COL14A1: variants seen among roughly 807,000 people sequenced by gnomAD.
COL14A1 encodes the protein collagen alpha-1(XIV) chain.
Under a neutral mutation model 230.3 loss-of-function variants are expected in COL14A1, and 136 were observed. That is an observed-to-expected ratio of 0.59 (90% CI 0.51 to 0.68). The LOEUF is 0.68. COL14A1 is among the 30% of genes least tolerant of loss of function. COL14A1 has a pLI of 0.00. For missense variants in COL14A1, 1,976 were observed against 2,215.8 expected (o/e 0.89, Z 2.17); for synonymous variants, 792 against 784.1 (o/e 1.01, Z -0.17).
intron 22 of COL14A1, among the ~76,000 whole-genome samples, chr8:120,251,821 C>T (rs1818972659): frequency 1.3e-5 from 2 of 152,066 alleles, no homozygotes; most frequent in Admixed American, 6.5e-5. Flanking sequence ...AATATGAATC[C>T]TTAGCTTATT....
intron 26 of COL14A1, among the ~76,000 whole-genome samples, chr8:120,276,061 A>C (rs997162490): frequency 2.0e-5 from 3 of 151,876 alleles, no homozygotes; most frequent in Admixed American, 6.6e-5. Context: ...TCACAAATGC[A>C]AAGATATAGA....
intron 22 of COL14A1, among the ~76,000 whole-genome samples, chr8:120,252,758 T>G (rs1819013858): frequency 6.6e-6 from 1 of 152,206 alleles, no homozygotes; most frequent in African/African-American, 2.4e-5. Context: ...CTTTATGCAC[T>G]TGCCCTATAT....
At chr8:120,368,115 A>G (rs1395015164) in intron 46 of COL14A1, among the ~76,000 whole-genome samples, 1 of 152,170 alleles carries the variant, frequency 6.6e-6, no homozygotes, top group Admixed American at 6.5e-5. Flanking sequence ...ATTTCCTGCC[A>G]TGGTAATCTT....
intron 5 of COL14A1, among the ~76,000 whole-genome samples, chr8:120,186,850 A>G (rs1028458421): frequency 1.3e-5 from 2 of 152,214 alleles, no homozygotes; most frequent in African/African-American, 4.8e-5. Flanking sequence ...AAAGTGGCTA[A>G]AAAGACAAGT....
Position 120,142,224 on chromosome 8 carries a change from C to T in COL14A1, c.-37-5582C>T, listed in dbSNP as rs535671151. 3.3e-5 allele frequency among the ~76,000 whole-genome samples: 5 copies of T among 152,190 alleles called. No homozygotes were observed. In the East Asian group the frequency reaches 7.7e-4, roughly 23 times the overall value. ...TGAGTGATTCTGCTGCAATATGTTT[C>T]TTTGGGTGTGGTGGACAGCTATCTG... On this transcript the variant is annotated intron_variant, in intron 1 of 47. Coordinates refer to ENST00000297848, the MANE Select transcript of COL14A1 (RefSeq NM_021110.4).
chr8:120,258,075 T>C (rs1216464127), intron 23 of COL14A1, among the ~76,000 whole-genome samples: 1 of 152,224 alleles, frequency 6.6e-6, no homozygotes, highest in Non-Finnish European at 1.5e-5. Context: ...TCATTCAGGC[T>C]TGTTTATTAA....
In COL14A1 at chr8:120,199,584, T is replaced by C. The variant is rs764252626; in HGVS notation, c.877+18T>C. Reference sequence around the variant, plus strand: ...TGCCATAGGTATGTGCTCTTTATAGTCTTGTTTCAACTAAGGGCATAGACC... The same window carrying C: ...TGCCATAGGTATGTGCTCTTTATAGCCTTGTTTCAACTAAGGGCATAGACC... On this transcript the variant is annotated intron_variant, in intron 8 of 47. Transcript: ENST00000297848. 2 of 1,603,226 alleles carry C rather than the reference T, an allele frequency of 1.2e-6. No homozygotes were observed. Among genetic ancestry groups the C allele is most frequent in the South Asian group, 2.3e-5 (2 of 88,360 alleles).
chr8:120,186,727 C>G (rs1406533103), intron 5 of COL14A1, among the ~76,000 whole-genome samples: 1 of 152,196 alleles, frequency 6.6e-6, no homozygotes, highest in Non-Finnish European at 1.5e-5. Context: ...GCTCATTTCT[C>G]TAGTGCCCTG....
intron 36 of COL14A1, among the ~76,000 whole-genome samples, chr8:120,306,304 T>C (rs909120832): frequency 2.6e-5 from 4 of 152,106 alleles, no homozygotes; most frequent in Admixed American, 6.5e-5. Context: ...CAGCAAACTT[T>C]CTAATGGGGA....
intron 45 of COL14A1, among the ~76,000 whole-genome samples, chr8:120,346,361 C>T (rs921463817): frequency 1.3e-5 from 2 of 152,102 alleles, no homozygotes; most frequent in African/African-American, 2.4e-5. Context: ...GCATGTTAAC[C>T]GTGAAGAAAG....
At chr8:120,233,479 A>C (rs1286131713) in intron 19 of COL14A1, among the ~76,000 whole-genome samples, 2 of 150,588 alleles carry the variant, frequency 1.3e-5, no homozygotes, top group African/African-American at 4.9e-5. Context: ...TTTTTTGTCT[A>C]AGATTCATTT....
intron 3 of COL14A1, among the ~76,000 whole-genome samples, chr8:120,160,728 T>C (rs1343377465): frequency 6.6e-6 from 1 of 152,222 alleles, no homozygotes; most frequent in African/African-American, 2.4e-5. Context: ...TGTTTATAGC[T>C]GTTTCAACAC....
At chr8:120,341,398 G>T (rs1563747418) in intron 43 of COL14A1, 38 bp downstream of exon 43, 1 of 1,609,442 alleles carries the variant, frequency 6.2e-7, no homozygotes, top group Non-Finnish European at 8.5e-7. Context: ...GCCCCAGCTT[G>T]TTGCACCCCT....
chr8:120,328,504 T>C (rs1821762380), intron 40 of COL14A1, among the ~76,000 whole-genome samples: 2 of 152,056 alleles, frequency 1.3e-5, no homozygotes, highest in African/African-American at 4.8e-5. Flanking sequence ...CATGCTGGGA[T>C]TACAGGCATG....
At chr8:120,208,187 G>C (rs150094692) in intron 10 of COL14A1, 45 bp from the exon 11 acceptor site, 1 of 1,523,046 alleles carries the variant, frequency 6.6e-7, no homozygotes, top group Non-Finnish European at 8.9e-7. Context: ...AATTCTGCGT[G>C]TAAGATATTC....
At chr8:120,314,995 A>G (rs555396217) in intron 38 of COL14A1, among the ~76,000 whole-genome samples, 150 of 152,350 alleles carry the variant, frequency 9.8e-4, no homozygotes, top group African/African-American at 3.5e-3. Context: ...TGTATATTCT[A>G]TGTTAAAACT....
Position 120,286,187 on chromosome 8 carries a change from C to T in COL14A1, c.4077+217C>T, listed in dbSNP as rs757895096. Among the ~76,000 whole-genome samples, 8 of 151,672 alleles carry T rather than the reference C, an allele frequency of 5.3e-5. No homozygotes were observed. In the East Asian group the frequency reaches 7.8e-4, roughly 15 times the overall value. On this transcript the variant is annotated intron_variant, in intron 33 of 47. Transcript: ENST00000297848. ...CATTTTTTTTTTTGGCAGGCACTCC[C>T]GAAAATAAGGGGGCACTTTCCTCTT...
intron 17 of COL14A1, among the ~76,000 whole-genome samples, chr8:120,228,332 C>T (rs115909231): frequency 3.0e-4 from 46 of 152,258 alleles, no homozygotes; most frequent in Non-Finnish European, 4.6e-4. Context: ...CATTGCATTC[C>T]GTGGTGGTCC....
chr8:120,198,726 T>G (rs1276684231), intron 7 of COL14A1, among the ~76,000 whole-genome samples: 1 of 152,224 alleles, frequency 6.6e-6, no homozygotes, highest in East Asian at 1.9e-4. Context: ...CAACCTGTAT[T>G]GCCTGCCACA....
Sources: gnomAD v4.1 joint callset for allele counts (sites outside exome capture counted in the v4.1 genomes callset) on GRCh38, gnomAD v4.1.1 for gene constraint, MANE v1.5 for transcripts, NCBI Gene and HGNC (gene_info 2026-07-23, HGNC 2026-07-21) for gene names.